The following NFASC variants were observed in gnomAD, a reference collection of about 807,000 sequenced individuals.
The protein encoded by NFASC is neurofascin homolog.
NFASC carries 43 observed loss-of-function variants against 147.5 expected under a neutral mutation model. The ratio of observed to expected loss-of-function variants is 0.29; its 90% CI spans 0.23 to 0.38. The LOEUF is 0.38. Ranked by LOEUF, NFASC falls within the 10% of genes least tolerant of loss-of-function variation. NFASC has a pLI of 1.00. For synonymous variants in NFASC, 622 were observed against 665.5 expected (o/e 0.93, Z 1.01); for missense variants, 1,320 against 1,689.0 (o/e 0.78, Z 3.83).
chr1:204,830,430 G>T (rs1571783866), intron 1 of NFASC, among the ~76,000 whole-genome samples: 1 of 152,204 alleles, frequency 6.6e-6, no homozygotes, highest in Non-Finnish European at 1.5e-5. Flanking sequence ...GGGGATGATT[G>T]GATGTGGTGG....
At chr1:204,936,963 A>AT (rs1235908099) in intron 2 of NFASC, among the ~76,000 whole-genome samples, 2 of 152,170 alleles carry the variant, frequency 1.3e-5, no homozygotes, top group Non-Finnish European at 2.9e-5. Flanking sequence ...GGGCAATGTG[A>AT]TTCCTGCCAC....
At position 204,996,181 on chromosome 1, in the gene NFASC, C is replaced by G. The variant is rs969872580; in HGVS notation, c.2783-989C>G. Among the ~76,000 whole-genome samples the G allele has an allele frequency of 5.9e-5, 9 of 152,164 alleles. No individual in the cohort carries two copies. In the South Asian group the frequency reaches 1.7e-3, roughly 28 times the overall value. On this transcript the variant is annotated intron_variant, in intron 24 of 29. Transcript: ENST00000339876. ...ATAAGCTTAGCCCTCCCAAGCTGAC[C>G]AACATCCAAGGATAGCTTTGGGTGG...
At chr1:204,904,177 A>G (rs901585967) in intron 1 of NFASC, among the ~76,000 whole-genome samples, 1 of 152,176 alleles carries the variant, frequency 6.6e-6, no homozygotes, top group African/African-American at 2.4e-5. Context: ...GGCTCACTAC[A>G]GCCTCCACCT....
At chr1:205,012,717 C>A in intron 28 of NFASC, 80 bp from the exon 29 acceptor site, 1 of 1,071,770 alleles carries the variant, frequency 9.3e-7, no homozygotes, top group Non-Finnish European at 1.5e-6. Flanking sequence ...CCTTCTGGCC[C>A]TGCATTCAGT....
Position 204,977,716 on chromosome 1 carries a change from C to T in NFASC, c.1867C>T (p.Leu623=). The T allele has an allele frequency of 6.2e-7, 1 of 1,610,162 alleles. No homozygotes were observed. Among genetic ancestry groups the T allele is most frequent in the Middle Eastern group, 1.7e-4 (1 of 6,046 alleles). ...QATPTNRLAA[L]PKGRPDRPRD... ...CACTCCAACTAACCGTTTGGCTGCC[C>T]TGCCCAAAGGTAATTCCCACTAATC... The change falls in exon 17 of 30, where the codon CTG becomes TTG. Residue 623 remains leucine (L), a synonymous_variant. Transcript: ENST00000339876.
At chr1:204,875,638 G>A (rs1389042192) in intron 1 of NFASC, among the ~76,000 whole-genome samples, 4 of 151,732 alleles carry the variant, frequency 2.6e-5, no homozygotes, top group Admixed American at 6.6e-5. Flanking sequence ...CTCCAGGCCC[G>A]GGTTCTCTTC....
chr1:204,872,707 T>A (rs1372942028), intron 1 of NFASC, among the ~76,000 whole-genome samples: 2 of 152,154 alleles, frequency 1.3e-5, no homozygotes, highest in Admixed American at 6.5e-5. Flanking sequence ...TGGACAACCC[T>A]CTCTCTGAGG....
At chr1:204,859,076 C>T (rs2076437539) in intron 1 of NFASC, among the ~76,000 whole-genome samples, 1 of 151,774 alleles carries the variant, frequency 6.6e-6, no homozygotes, top group African/African-American at 2.4e-5. Context: ...CTCCCGGGTG[C>T]CAGCGATTCT....
intron 21 of NFASC, among the ~76,000 whole-genome samples, chr1:204,985,249 C>A (rs1298990319): frequency 6.6e-6 from 1 of 152,162 alleles, no homozygotes; most frequent in Non-Finnish European, 1.5e-5. Flanking sequence ...TCCACTGCCC[C>A]CTCCAACACC....
chr1:204,989,082 T>A, intron 23 of NFASC: 2 of 496,470 alleles, frequency 4.0e-6, no homozygotes, highest in South Asian at 4.7e-5. Flanking sequence ...TTCCTTCTTG[T>A]AGAGGAATAA....
rs1044451441 is a variant in NFASC, at chr1:204,906,833, G to A, written c.-199-13799G>A. Among the ~76,000 whole-genome samples the A allele has an allele frequency of 8.0e-4, 121 of 152,084 alleles. 1 individual carries two copies. The highest frequency in any genetic ancestry group is 5.2e-3 in the Admixed American group (80 of 15,278). ...CGAGTAGCTGGGACTACAGGCACCCGCCACCCTGCCCGGCTAATTTTTTGT... is the reference window on the plus strand; with the variant it reads ...CGAGTAGCTGGGACTACAGGCACCCACCACCCTGCCCGGCTAATTTTTTGT... On this transcript the variant is annotated intron_variant, in intron 1 of 29. Transcript: ENST00000339876.
At chr1:204,982,774 T>C (rs1203392662) in intron 21 of NFASC, among the ~76,000 whole-genome samples, 2 of 152,228 alleles carry the variant, frequency 1.3e-5, no homozygotes, top group Non-Finnish European at 2.9e-5. Context: ...CTTTGCGCCC[T>C]GTTGAGTCTG....
At chr1:204,935,821 C>T (rs1431907891) in intron 2 of NFASC, among the ~76,000 whole-genome samples, 2 of 152,128 alleles carry the variant, frequency 1.3e-5, no homozygotes, top group African/African-American at 4.8e-5. Context: ...CATGTCTTGC[C>T]GTTGCCCCCG....
In NFASC at chr1:204,975,089, G is replaced by A. The variant is rs917394410; in HGVS notation, c.1559-182G>A. On this transcript the variant is annotated intron_variant, in intron 14 of 29. Coordinates refer to ENST00000339876, the MANE Select transcript of NFASC (RefSeq NM_001005388.3). This position sits in a 1 kb window ranked among gnomAD's most constrained non-coding sequence, Gnocchi z 4.0. ...CTGAGCCAGATGGAGTGGATTTGGG[G>A]CATTATCTGCTTTGGGGATTACCCA... Among the ~76,000 whole-genome samples the A allele has an allele frequency of 2.0e-5, 3 of 152,168 alleles. No individual in the cohort carries two copies. Among genetic ancestry groups the A allele is most frequent in the Non-Finnish European group, 2.9e-5 (2 of 68,026 alleles).
Position 204,968,467 on chromosome 1 carries a change from G to A in NFASC, c.818+107G>A. On this transcript the variant is annotated intron_variant, in intron 9 of 29. Transcript: ENST00000339876. The surrounding 1 kb of genome is among the most constrained non-coding windows in gnomAD (Gnocchi z 5.4). ...ACATTTAGTGCATACCAGTAGCACA[G>A]CAAAAAGAGAAGCAAACAGCCTCTA... 1 of 802,908 alleles carries A rather than the reference G, an allele frequency of 1.2e-6. No homozygotes were observed. Among genetic ancestry groups the A allele is most frequent in the Non-Finnish European group, 2.1e-6 (1 of 486,248 alleles). The allele number at this position is 802,908 out of a possible 1,614,324, so 49.7% of individuals were successfully genotyped here. A position where few individuals can be genotyped will look rare whatever the true frequency, so the allele number is the denominator to read the frequency against.
Position 205,010,141 on chromosome 1 carries a change from G to A in NFASC, c.3421+453G>A, listed in dbSNP as rs1360694358. ...GCACCCACATGAGAGAGTTCCAGAGGTGGGCGCTCAGCAGGACAACAGTGT... is the reference window on the plus strand; with the variant it reads ...GCACCCACATGAGAGAGTTCCAGAGATGGGCGCTCAGCAGGACAACAGTGT... On this transcript the variant is annotated intron_variant, in intron 28 of 29. Transcript: ENST00000339876. This position sits in a 1 kb window ranked among gnomAD's most constrained non-coding sequence, Gnocchi z 4.1. The A allele has an allele frequency of 5.5e-6, 1 of 182,156 alleles. No homozygotes were observed. Among genetic ancestry groups the A allele is most frequent in the East Asian group, 1.4e-4 (1 of 7,260 alleles). The allele number at this position is 182,156 out of a possible 1,614,324, so 11.3% of individuals were successfully genotyped here. A position where few individuals can be genotyped will look rare whatever the true frequency, so the allele number is the denominator to read the frequency against.
intron 1 of NFASC, among the ~76,000 whole-genome samples, chr1:204,911,797 AT>A (rs1376552993): frequency 6.6e-6 from 1 of 152,036 alleles, no homozygotes; most frequent in African/African-American, 2.4e-5. Flanking sequence ...TATTAATTTC[AT>A]TTTCTTAATT....
At chr1:204,937,271 G>A (rs2092942501) in intron 2 of NFASC, among the ~76,000 whole-genome samples, 1 of 152,090 alleles carries the variant, frequency 6.6e-6, no homozygotes, top group Admixed American at 6.5e-5. Context: ...ATACTAACGT[G>A]TTCGTTACAG....
intron 1 of NFASC, among the ~76,000 whole-genome samples, chr1:204,877,068 T>TTATATATATAATATATTTATTTA (rs1558550194): frequency 1.1e-5 from 1 of 93,768 alleles, no homozygotes; most frequent in Admixed American, 1.6e-4. Context: ...ATTTATATAT[T>TTATATATATAATATATTTATTTA]TATATATATA....
Sources: allele counts gnomAD v4.1 joint callset (sites outside exome capture counted in the v4.1 genomes callset), GRCh38; gene constraint gnomAD v4.1.1; non-coding constraint Gnocchi (gnomAD v3.1); transcripts MANE v1.5; gene names NCBI Gene and HGNC (gene_info 2026-07-23, HGNC 2026-07-21).